SLC7A14: variants seen among roughly 807,000 people sequenced by gnomAD.
The protein encoded by SLC7A14 is gamma-aminobutyric acid transporter SLC7A14.
SLC7A14 carries 37 observed loss-of-function variants against 60.2 expected under a neutral mutation model. That is an observed-to-expected ratio of 0.61 (90% confidence interval 0.47 to 0.81). SLC7A14 has a LOEUF of 0.81. Among genes scored for constraint, SLC7A14 ranks in the 30% least tolerant of loss-of-function variants. The pLI is 0.00. For missense variants in SLC7A14, 886 were observed against 982.7 expected, an observed-to-expected ratio of 0.90 and a Z score of 1.32; for synonymous variants, 399 against 395.8, an observed-to-expected ratio of 1.01 and a Z score of -0.10.
intron 4 of SLC7A14, among the ~76,000 whole-genome samples, chr3:170,492,668 A>C (rs1712259207): frequency 6.6e-6 from 1 of 152,176 alleles, no homozygotes; most frequent in South Asian, 2.1e-4. Flanking sequence ...GCTTCTGCTT[A>C]GTTAATTGTC....
At chr3:170,531,299 T>A (rs780666455) in intron 1 of SLC7A14, among the ~76,000 whole-genome samples, 55 of 152,028 alleles carry the variant, frequency 3.6e-4, no homozygotes, top group Admixed American at 7.9e-4. Flanking sequence ...CGGCAGGCAA[T>A]GACTATGGAG....
In SLC7A14 at chr3:170,480,757, G is replaced by A; in HGVS notation, c.1525C>T (p.Pro509Ser). Residue 509 changes from proline to serine, a missense_variant, in exon 7 of 8, where the codon CCC becomes TCC. Coordinates refer to ENST00000231706, the MANE Select transcript of SLC7A14 (RefSeq NM_020949.3). Reference protein sequence around the residue: ...SDKSTYNVNHPNYGTVDMTTG... With the variant: ...SDKSTYNVNHSNYGTVDMTTG... ...GTCATGTCCACGGTGCCGTAATTGG[G>A]GTGGTTGACGTTGTAGGTTGACTTG... 2 of 1,614,162 alleles carry A rather than the reference G, an allele frequency of 1.2e-6. No homozygotes were observed. Among genetic ancestry groups the A allele is most frequent in the Non-Finnish European group, 1.7e-6 (2 of 1,180,034 alleles).
intron 2 of SLC7A14, among the ~76,000 whole-genome samples, chr3:170,513,826 T>C (rs1329089042): frequency 3.3e-5 from 5 of 151,440 alleles, no homozygotes; most frequent in Non-Finnish European, 7.4e-5. Flanking sequence ...ACCCCAGAAA[T>C]TGCCATCTCT....
chr3:170,517,080 TA>T (rs1713182167), intron 2 of SLC7A14, among the ~76,000 whole-genome samples: 1 of 152,134 alleles, frequency 6.6e-6, no homozygotes, highest in South Asian at 2.1e-4. Context: ...ATCCACGTGA[TA>T]GGAAGATTGA....
At chr3:170,582,369 C>A (rs1204065395) in intron 1 of SLC7A14, among the ~76,000 whole-genome samples, 1 of 152,064 alleles carries the variant, frequency 6.6e-6, no homozygotes, top group Non-Finnish European at 1.5e-5. Context: ...TTGTCATTAG[C>A]CATATAGAGT....
At chr3:170,481,389 C>CT (rs61203487) in intron 6 of SLC7A14, among the ~76,000 whole-genome samples, 1,440 of 117,068 alleles carry the variant, frequency 0.012, 24 homozygotes, top group Admixed American at 0.018. Context: ...TCTTTGATTT[C>CT]TTTTTTTTTT....
intron 4 of SLC7A14, chr3:170,495,883 TG>T: frequency 7.4e-7 from 1 of 1,348,458 alleles, no homozygotes; most frequent in Non-Finnish European, 1.1e-6. Context: ...AGGCGGCAGC[TG>T]GAGGCTCTGG....
At chr3:170,580,535 G>A (rs944027106) in intron 1 of SLC7A14, among the ~76,000 whole-genome samples, 3 of 152,164 alleles carry the variant, frequency 2.0e-5, no homozygotes, top group Admixed American at 2.0e-4. Flanking sequence ...CAGTAATATA[G>A]TCCCATATGC....
At chr3:170,501,567 T>C (rs1239985269) in intron 2 of SLC7A14, among the ~76,000 whole-genome samples, 2 of 152,234 alleles carry the variant, frequency 1.3e-5, no homozygotes, top group African/African-American at 2.4e-5. Flanking sequence ...GAACTAATTC[T>C]ACTAAACTGT....
intron 6 of SLC7A14, among the ~76,000 whole-genome samples, chr3:170,481,841 G>A (rs1357665578): frequency 6.6e-6 from 1 of 152,162 alleles, no homozygotes; most frequent in Non-Finnish European, 1.5e-5. Context: ...GATGGTTGGA[G>A]GAAGTCATGG....
chr3:170,515,676 T>C (rs1458297710), intron 2 of SLC7A14, among the ~76,000 whole-genome samples: 3 of 151,898 alleles, frequency 2.0e-5, no homozygotes, highest in Non-Finnish European at 4.4e-5. Context: ...ATCTTTCCCC[T>C]CTCTTGGTTG....
intron 1 of SLC7A14, among the ~76,000 whole-genome samples, chr3:170,564,348 G>A (rs553019295): frequency 6.6e-6 from 1 of 152,298 alleles, no homozygotes; most frequent in Non-Finnish European, 1.5e-5. Flanking sequence ...CGCTGAGGAG[G>A]CATGCAGGAC....
intron 2 of SLC7A14, among the ~76,000 whole-genome samples, chr3:170,523,382 T>A (rs1713394882): frequency 6.6e-6 from 1 of 152,250 alleles, no homozygotes; most frequent in Non-Finnish European, 1.5e-5. Flanking sequence ...GTATTTTTAT[T>A]GCAATGATAT....
rs1712510166 is a variant in SLC7A14, at chr3:170,498,987, A to C, written c.542-103T>G. The C allele has an allele frequency of 2.7e-6, 3 of 1,119,378 alleles. No individual in the cohort carries two copies. In the African/African-American group the frequency reaches 4.7e-5, roughly 17 times the overall value. The allele number at this position is 1,119,378 out of a possible 1,614,324, so 69.3% of individuals were successfully genotyped here. On this transcript the variant is annotated intron_variant, in intron 3 of 7. Transcript: ENST00000231706. ...ATCCGTACTCAGCTTTAAGAAGGGCAGTAAACTGGGAGGCCGAGGCAGGCA... is the reference window on the plus strand; with the variant it reads ...ATCCGTACTCAGCTTTAAGAAGGGCCGTAAACTGGGAGGCCGAGGCAGGCA...
intron 4 of SLC7A14, chr3:170,496,242 G>A: frequency 2.1e-6 from 2 of 932,382 alleles, no homozygotes; most frequent in African/African-American, 1.6e-5. Flanking sequence ...GGAGGAGATC[G>A]CCAACCGCAG....
chr3:170,493,554 AG>A (rs1712285934), intron 4 of SLC7A14, among the ~76,000 whole-genome samples: 1 of 152,190 alleles, frequency 6.6e-6, no homozygotes, highest in East Asian at 1.9e-4. Flanking sequence ...GGTAGAGGTA[AG>A]GGTTTTGATA....
Position 170,463,057 on chromosome 3 carries a change from T to A in SLC7A14, c.*3998A>T, listed in dbSNP as rs1271970654. On this transcript the variant is annotated 3_prime_UTR_variant, in exon 8 of 8. Coordinates refer to ENST00000231706, the MANE Select transcript of SLC7A14 (RefSeq NM_020949.3). ...TTTCTTAAAGTTCAGCCTTCCTGGATTCACACTTTCGTCAGTTCCCCAATT... is the reference window on the plus strand; with the variant it reads ...TTTCTTAAAGTTCAGCCTTCCTGGAATCACACTTTCGTCAGTTCCCCAATT... 6.6e-6 allele frequency: 1 copy of A among 152,204 alleles called. No homozygotes were observed. Among genetic ancestry groups the A allele is most frequent in the East Asian group, 1.9e-4 (1 of 5,200 alleles). The allele number at this position is 152,204 out of a possible 1,614,324, so 9.4% of individuals were successfully genotyped here.
At chr3:170,557,555 C>T (rs1023720674) in intron 1 of SLC7A14, among the ~76,000 whole-genome samples, 1 of 152,154 alleles carries the variant, frequency 6.6e-6, no homozygotes, top group Non-Finnish European at 1.5e-5. Flanking sequence ...AAGATGTGGA[C>T]TGACCGGAAG....
intron 2 of SLC7A14, 53 bp from the exon 3 acceptor site, chr3:170,501,398 C>T: frequency 6.8e-7 from 1 of 1,479,184 alleles, no homozygotes; most frequent in Non-Finnish European, 9.4e-7. Flanking sequence ...GAGCTGACAT[C>T]CTGTGGCCAA....
Sources: gnomAD v4.1 joint callset for allele counts (sites outside exome capture counted in the v4.1 genomes callset) on GRCh38, gnomAD v4.1.1 for gene constraint, MANE v1.5 for transcripts, NCBI Gene and HGNC (gene_info 2026-07-23, HGNC 2026-07-21) for gene names.